SLC10A2: variants seen among roughly 807,000 people sequenced by gnomAD.
SLC10A2 encodes the protein solute carrier family 10 member 2.
Under a neutral mutation model 27.1 loss-of-function variants are expected in SLC10A2, and 34 were observed. The observed-to-expected ratio is 1.26, with a 90% confidence interval of 0.96 to 1.67. SLC10A2 has a LOEUF of 1.67. Among genes scored for constraint, SLC10A2 ranks in the 40% most tolerant of loss-of-function variants. SLC10A2 has a pLI of 0.00. For missense variants in SLC10A2, 530 were observed against 444.4 expected, an observed-to-expected ratio of 1.19 and a Z score of -1.73; for synonymous variants, 205 against 174.0, an observed-to-expected ratio of 1.18 and a Z score of -1.40.
At chr13:103,062,277 G>A (rs1876146496) in intron 1 of SLC10A2, among the ~76,000 whole-genome samples, 2 of 152,214 alleles carry the variant, frequency 1.3e-5, no homozygotes, top group Non-Finnish European at 1.5e-5. Context: ...TTATGAGCCT[G>A]CAAAGTGGTA....
chr13:103,055,457 A>G (rs1875911951), intron 2 of SLC10A2, among the ~76,000 whole-genome samples: 1 of 152,200 alleles, frequency 6.6e-6, no homozygotes, highest in South Asian at 2.1e-4. Context: ...ACTGTGGGCT[A>G]TTCCAGCTTC....
chr13:103,049,559 A>G (rs1875713949), intron 4 of SLC10A2, 113 bp from the exon 5 acceptor site: 2 of 1,065,728 alleles, frequency 1.9e-6, no homozygotes, highest in Admixed American at 4.0e-5. Flanking sequence ...CTTTTAATGC[A>G]TGTATTTAAG....
intron 4 of SLC10A2, among the ~76,000 whole-genome samples, chr13:103,050,993 G>T (rs1171915371): frequency 1.3e-5 from 2 of 152,116 alleles, no homozygotes; most frequent in African/African-American, 4.8e-5. Flanking sequence ...GCCACAGAGA[G>T]GTGCACTGAG....
Position 103,046,176 on chromosome 13 carries a change from G to A in SLC10A2, c.1004C>T (p.Ser335Leu), listed in dbSNP as rs370357133. 19 of 1,613,742 alleles carry A rather than the reference G, an allele frequency of 1.2e-5. No homozygotes were observed. Among genetic ancestry groups the A allele is most frequent in the African/African-American group, 8.0e-5 (6 of 74,876 alleles). The change falls in exon 6 of 6, where the codon TCG becomes TTG. Residue 335 changes from serine (S) to leucine (L), a missense_variant. Physicochemically the swap from Ser to Leu is moderately radical, Grantham distance 145. Coordinates refer to ENST00000245312, the MANE Select transcript of SLC10A2 (RefSeq NM_000452.3). The stretch of plus-strand genomic sequence containing the variant: ...AAATCCTCCATTTGCCTTATAAAAC[G>A]ATGACTCTGGCTCCGTTCCATTTTC... Reference protein sequence around the residue: ...SKENGTEPESSFYKANGGFQP... With the variant: ...SKENGTEPESLFYKANGGFQP...
chr13:103,059,222 T>C (rs1311391130), intron 1 of SLC10A2, among the ~76,000 whole-genome samples: 1 of 152,240 alleles, frequency 6.6e-6, no homozygotes, highest in Non-Finnish European at 1.5e-5. Context: ...TGTTGAACTT[T>C]TTTTCATATG....
Position 103,045,996 on chromosome 13 carries a change from C to CCAAT in SLC10A2, c.*133_*136dup, listed in dbSNP as rs1334132808. 1 of 1,000,822 alleles carries CCAAT rather than the reference C, an allele frequency of 1.0e-6. No homozygotes were observed. Among genetic ancestry groups the CCAAT allele is most frequent in the African/African-American group, 1.6e-5 (1 of 62,090 alleles). The allele number at this position is 1,000,822 out of a possible 1,614,324, so 62.0% of individuals were successfully genotyped here. A position where few individuals can be genotyped will look rare whatever the true frequency, so the allele number is the denominator to read the frequency against. ...GGCCACCAGTCACTTGGTACTGAAA[C>CCAAT]CAATACATGAATTCCAATGAAATTC... On this transcript the variant is annotated 3_prime_UTR_variant, in exon 6 of 6. Transcript: ENST00000245312.
rs889483307 is a variant in SLC10A2 at position 103,052,853 on chromosome 13, C to T, written c.497-145G>A. ...ACAAAACAGAATACAGAATTACACA[C>T]ACACACATGCACACACACACTCACT... On this transcript the variant is annotated intron_variant, in intron 2 of 5. Transcript: ENST00000245312. 1.6e-5 allele frequency: 11 copies of T among 677,170 alleles called. No homozygotes were observed. In the Admixed American group the frequency reaches 2.3e-4, roughly 14 times the overall value. 41.9% of individuals were successfully genotyped at this position (677,170 alleles called of 1,614,324 possible).
intron 2 of SLC10A2, among the ~76,000 whole-genome samples, chr13:103,054,439 C>A (rs897921872): frequency 6.6e-6 from 1 of 152,108 alleles, no homozygotes; most frequent in Non-Finnish European, 1.5e-5. Context: ...TAGACCATTG[C>A]CTAAGTTTTT....
rs1423801787 is a variant in SLC10A2 at position 103,046,247 on chromosome 13, G to A, written c.933C>T (p.Tyr311=). The change falls in exon 6 of 6, where the codon TAC becomes TAT. Residue 311 remains tyrosine, a synonymous_variant. Transcript: ENST00000245312. ...AAIFLGFYVA[Y]KKCHGKNKAE... ...CCTTGTTTTTTCCATGACATTTCTT[G>A]TATGCCACATAAACTAGAAAACAAT... 1 of 1,611,982 alleles carries A rather than the reference G, an allele frequency of 6.2e-7. No homozygotes were observed.
intron 1 of SLC10A2, among the ~76,000 whole-genome samples, chr13:103,061,939 A>C (rs1876133428): frequency 6.6e-6 from 1 of 152,206 alleles, no homozygotes; most frequent in Non-Finnish European, 1.5e-5. Flanking sequence ...GCATGTATAT[A>C]AAAAATACAT....
chr13:103,064,682 G>A (rs993814378), intron 1 of SLC10A2, among the ~76,000 whole-genome samples: 2 of 151,856 alleles, frequency 1.3e-5, no homozygotes, highest in Non-Finnish European at 2.9e-5. Flanking sequence ...GCTATATCGT[G>A]GTTCACAGAT....
chr13:103,057,705 C>G (rs1012542227), intron 2 of SLC10A2, among the ~76,000 whole-genome samples: 3 of 152,012 alleles, frequency 2.0e-5, no homozygotes, highest in Non-Finnish European at 4.4e-5. Context: ...ATGGAGAAAC[C>G]CCGTCCCTAT....
At position 103,051,341 on chromosome 13, in the gene SLC10A2, A is replaced by C. The variant is rs186789352; in HGVS notation, c.677T>G (p.Leu226Arg). ...AGGAAATATTGTTCCTATAATCCAC[A>C]GTTTGGGAGCAATGATCCAGGCGCT... ...YQSAWIIAPK[L>R]WIIGTIFPVA... is the part of the protein sequence containing the mutation. Residue 226 changes from leucine (L) to arginine (R), a missense_variant, in exon 4 of 6, where the codon CTG becomes CGG. Leu to Arg is a moderately radical substitution (Grantham distance 102, BLOSUM62 -2). Coordinates refer to ENST00000245312, the MANE Select transcript of SLC10A2 (RefSeq NM_000452.3). 1.2e-6 allele frequency: 2 copies of C among 1,614,148 alleles called. No individual in the cohort carries two copies. Among genetic ancestry groups the C allele is most frequent in the Non-Finnish European group, 1.7e-6 (2 of 1,179,998 alleles).
chr13:103,058,249 A>C lies in SLC10A2; in HGVS notation c.496+15T>G. 1 of 1,404,796 alleles carries C rather than the reference A, an allele frequency of 7.1e-7. No individual in the cohort carries two copies. The highest frequency in any genetic ancestry group is 2.3e-5 in the East Asian group (1 of 43,910). 87.0% of individuals were successfully genotyped at this position (1,404,796 alleles called of 1,614,324 possible). A position where few individuals can be genotyped will look rare whatever the true frequency, so the allele number is the denominator to read the frequency against. ...TGAGGGTAACAGTCAACAGTCTTAC[A>C]GATGGATGACTTACCTATGTTATCA... is the stretch of plus-strand genomic sequence containing the variant. On this transcript the variant is annotated intron_variant, in intron 2 of 5. Transcript: ENST00000245312.
intron 1 of SLC10A2, among the ~76,000 whole-genome samples, chr13:103,061,935 A>C (rs191850212): frequency 6.6e-6 from 1 of 152,356 alleles, no homozygotes. Flanking sequence ...AAAGGCATGT[A>C]TATAAAAAAT....
chr13:103,064,353 G>A (rs927422990), intron 1 of SLC10A2, among the ~76,000 whole-genome samples: 2 of 152,164 alleles, frequency 1.3e-5, no homozygotes, highest in African/African-American at 2.4e-5. Flanking sequence ...ACAGAAAAAT[G>A]TAACTTGGAG....
Position 103,051,418 on chromosome 13 carries a change from C to A in SLC10A2, c.600G>T (p.Ala200=). Residue 200 remains alanine, a synonymous_variant, in exon 4 of 6, where the codon GCG becomes GCT. Transcript: ENST00000245312. ...AKIILKIGSI[A]GAILIVLIAV... Reference sequence around the variant, plus strand: ...CTATGAGCACAATGAGGATGGCGCCCGCGATGGACCCAATCTGAAAAAAAA... The same window carrying A: ...CTATGAGCACAATGAGGATGGCGCCAGCGATGGACCCAATCTGAAAAAAAA... 1 of 1,613,808 alleles carries A rather than the reference C, an allele frequency of 6.2e-7. No individual in the cohort carries two copies. Among genetic ancestry groups the A allele is most frequent in the Non-Finnish European group, 8.5e-7 (1 of 1,179,926 alleles).
chr13:103,058,351 C>T lies in SLC10A2; in HGVS notation c.409G>A (p.Ala137Thr), dbSNP rs1330421813. Residue 137 changes from alanine to threonine, a missense_variant, in exon 2 of 6, where the codon GCC becomes ACC. Physicochemically the swap from Ala to Thr is moderately conservative, Grantham distance 58. Transcript: ENST00000245312. ...VSMTTCSTLL[A>T]LGMMPLCLLI... ...AGGCACAGCGGCATCATTCCGAGGG[C>T]AAGCAGTGTGGAGCATGTGGTCATG... 6 of 1,613,760 alleles carry T rather than the reference C, an allele frequency of 3.7e-6. No homozygotes were observed. The South Asian group carries it at 6.6e-5, about 18-fold the overall frequency.
At chr13:103,063,887 AG>A (rs1269366657) in intron 1 of SLC10A2, among the ~76,000 whole-genome samples, 2 of 152,220 alleles carry the variant, frequency 1.3e-5, no homozygotes, top group African/African-American at 4.8e-5. Context: ...TAAGTGATAG[AG>A]GATAAATGAT....
Sources: allele counts gnomAD v4.1 joint callset (sites outside exome capture counted in the v4.1 genomes callset), GRCh38; gene constraint gnomAD v4.1.1; transcripts MANE v1.5; gene names NCBI Gene and HGNC (gene_info 2026-07-23, HGNC 2026-07-21).